The following NXPH1 variants were observed in gnomAD, a reference collection of about 807,000 sequenced individuals.
The protein encoded by NXPH1 is neurexophilin 1.
A neutral mutation model predicts 23.7 loss-of-function variants in NXPH1; 5 were observed. That is an observed-to-expected ratio of 0.21 (90% confidence interval 0.11 to 0.44). NXPH1 has a LOEUF of 0.44. NXPH1 is among the 20% of genes least tolerant of loss of function. The pLI, the probability that NXPH1 is intolerant of heterozygous loss-of-function variation, is 0.99. For missense variants in NXPH1, 324 were observed against 321.6 expected (o/e 1.01, Z -0.06); for synonymous variants, 144 against 122.2 (o/e 1.18, Z -1.18).
chr7:8,647,448 C>A (rs893340670), intron 2 of NXPH1, among the ~76,000 whole-genome samples: 2 of 152,012 alleles, frequency 1.3e-5, no homozygotes, highest in Non-Finnish European at 2.9e-5. Context: ...AGAAGACAGC[C>A]CCCAGTGCCA....
At chr7:8,658,962 G>A (rs2115159828) in intron 2 of NXPH1, among the ~76,000 whole-genome samples, 1 of 151,714 alleles carries the variant, frequency 6.6e-6, no homozygotes, top group South Asian at 2.1e-4. Context: ...CAGAAGAATA[G>A]TAAAGGGAAA....
chr7:8,711,416 G>C (rs1166040770), intron 2 of NXPH1, among the ~76,000 whole-genome samples: 1 of 152,134 alleles, frequency 6.6e-6, no homozygotes, highest in Non-Finnish European at 1.5e-5. Flanking sequence ...CACTGAGGCA[G>C]GCATGTAAGT....
intron 2 of NXPH1, among the ~76,000 whole-genome samples, chr7:8,733,944 G>A (rs951072042): frequency 2.0e-5 from 3 of 152,070 alleles, no homozygotes; most frequent in Non-Finnish European, 4.4e-5. Flanking sequence ...AGTCATGAAG[G>A]CTTTGCCATG....
intron 2 of NXPH1, among the ~76,000 whole-genome samples, chr7:8,726,028 T>A (rs80338640): frequency 0.075 from 11,446 of 152,246 alleles, 562 homozygotes; most frequent in African/African-American, 0.14. Flanking sequence ...AAACTCTGGA[T>A]AATCAGAGTG....
At position 8,570,383 on chromosome 7, in the gene NXPH1, C is replaced by T. The variant is rs190332227; in HGVS notation, c.54+134616C>T. On this transcript the variant is annotated intron_variant, in intron 2 of 2. Coordinates refer to ENST00000405863, the MANE Select transcript of NXPH1 (RefSeq NM_152745.3). ...TCCTGGGCAAAGTCATCTTTTTGTG[C>T]GTTAGTGTCATTGTGAAGTGAGGGA... Among the ~76,000 whole-genome samples, 10 of 151,864 alleles carry T rather than the reference C, an allele frequency of 6.6e-5. No individual in the cohort carries two copies. The South Asian group carries it at 1.5e-3, about 22-fold the overall frequency.
intron 2 of NXPH1, among the ~76,000 whole-genome samples, chr7:8,563,152 T>TTC (rs1818476866): frequency 6.6e-6 from 1 of 151,772 alleles, no homozygotes; most frequent in Non-Finnish European, 1.5e-5. Context: ...ATGAAACCAA[T>TTC]TCTCTATCAC....
chr7:8,639,337 C>G (rs1398767804), intron 2 of NXPH1, among the ~76,000 whole-genome samples: 1 of 152,010 alleles, frequency 6.6e-6, no homozygotes, highest in Non-Finnish European at 1.5e-5. Flanking sequence ...AATGTGTAGT[C>G]AAACAGATTT....
chr7:8,686,636 G>T (rs1225214782), intron 2 of NXPH1, among the ~76,000 whole-genome samples: 2 of 152,120 alleles, frequency 1.3e-5, no homozygotes, highest in Admixed American at 6.6e-5. Context: ...GGTGAAGAAA[G>T]TTAGCTCCAC....
intron 2 of NXPH1, among the ~76,000 whole-genome samples, chr7:8,680,402 T>G (rs1290184977): frequency 1.3e-5 from 2 of 152,186 alleles, no homozygotes; most frequent in Non-Finnish European, 2.9e-5. Flanking sequence ...TAAAAAGATA[T>G]GCAGTCTGTT....
chr7:8,514,468 C>A (rs1013025890), intron 2 of NXPH1, among the ~76,000 whole-genome samples: 3 of 152,134 alleles, frequency 2.0e-5, no homozygotes, highest in Non-Finnish European at 4.4e-5. Context: ...CTACTATGGA[C>A]AAGCATTTGG....
intron 2 of NXPH1, among the ~76,000 whole-genome samples, chr7:8,470,321 C>T (rs1816852502): frequency 6.6e-6 from 1 of 152,062 alleles, no homozygotes; most frequent in Middle Eastern, 3.2e-3. Flanking sequence ...TACATGTCAA[C>T]CAAGAATGAG....
At chr7:8,557,241 C>G (rs1159023039) in intron 2 of NXPH1, among the ~76,000 whole-genome samples, 3 of 151,448 alleles carry the variant, frequency 2.0e-5, no homozygotes, top group Non-Finnish European at 4.4e-5. Flanking sequence ...TTTTGTTAGT[C>G]TTAAAAGGGC....
Position 8,435,832 on chromosome 7 carries a change from A to C in NXPH1, c.54+65A>C. 1 of 1,473,952 alleles carries C rather than the reference A, an allele frequency of 6.8e-7. No individual in the cohort carries two copies. The highest frequency in any genetic ancestry group is 9.5e-7 in the Non-Finnish European group (1 of 1,053,100). The allele number at this position is 1,473,952 out of a possible 1,614,324, so 91.3% of individuals were successfully genotyped here. Reference sequence around the variant, plus strand: ...CGGCCGGGAGGCAAGGAAACTGGGGACACGCGGGAGAAGGGTTACGCCGCC... The same window carrying C: ...CGGCCGGGAGGCAAGGAAACTGGGGCCACGCGGGAGAAGGGTTACGCCGCC... On this transcript the variant is annotated intron_variant, in intron 2 of 2. Coordinates refer to ENST00000405863, the MANE Select transcript of NXPH1 (RefSeq NM_152745.3). The surrounding 1 kb of genome is among the most constrained non-coding windows in gnomAD (Gnocchi z 5.9).
chr7:8,475,584 T>G (rs1377588549), intron 2 of NXPH1, among the ~76,000 whole-genome samples: 1 of 152,176 alleles, frequency 6.6e-6, no homozygotes, highest in Admixed American at 6.6e-5. Flanking sequence ...GACTTTCTTC[T>G]CTGCTAACTG....
intron 2 of NXPH1, among the ~76,000 whole-genome samples, chr7:8,727,477 C>T (rs1302432661): frequency 2.7e-5 from 4 of 148,026 alleles, no homozygotes; most frequent in Admixed American, 6.7e-5. Flanking sequence ...TTAGGTCTAA[C>T]GTTTAAGTCT....
chr7:8,439,883 T>G (rs1048798356), intron 2 of NXPH1, among the ~76,000 whole-genome samples: 4 of 152,222 alleles, frequency 2.6e-5, no homozygotes, highest in African/African-American at 9.7e-5. Flanking sequence ...GGACTAGGTA[T>G]GTGTGCTTCT....
chr7:8,648,517 A>G (rs1820432768), intron 2 of NXPH1, among the ~76,000 whole-genome samples: 1 of 152,204 alleles, frequency 6.6e-6, no homozygotes, highest in South Asian at 2.1e-4. Context: ...ATGGTTGAAG[A>G]GTACTGCATT....
rs1584218205 is a variant in NXPH1 at position 8,536,137 on chromosome 7, A to G, written c.54+100370A>G. ...TTGATTGAGTTATAAGAGTGCTAAGATCATGTTGCTCTGTTAACCTTTGCA... is the reference window on the plus strand; with the variant it reads ...TTGATTGAGTTATAAGAGTGCTAAGGTCATGTTGCTCTGTTAACCTTTGCA... On this transcript the variant is annotated intron_variant, in intron 2 of 2. Transcript: ENST00000405863. Among the ~76,000 whole-genome samples the G allele has an allele frequency of 2.0e-5, 3 of 152,162 alleles. No homozygotes were observed. In the South Asian group the frequency reaches 6.2e-4, roughly 32 times the overall value.
chr7:8,502,493 G>A (rs115228056), intron 2 of NXPH1, among the ~76,000 whole-genome samples: 2,233 of 151,906 alleles, frequency 0.015, 46 homozygotes, highest in African/African-American at 0.051. Context: ...ACATCAGTCA[G>A]AGTCCAACCA....
Sources: gnomAD v4.1 joint callset for allele counts (sites outside exome capture counted in the v4.1 genomes callset) on GRCh38, gnomAD v4.1.1 for gene constraint, Gnocchi (gnomAD v3.1) non-coding constraint, MANE v1.5 for transcripts, NCBI Gene and HGNC (gene_info 2026-07-23, HGNC 2026-07-21) for gene names.